The following ZNF701 variants were observed in gnomAD, a reference collection of about 807,000 sequenced individuals.
ZNF701 encodes the protein zinc finger protein 701.
Under a neutral mutation model 7.1 loss-of-function variants are expected in ZNF701, and 6 were observed. The observed-to-expected ratio is 0.84, with a 90% confidence interval of 0.46 to 1.66. ZNF701 has a LOEUF of 1.66. Among genes scored for constraint, ZNF701 ranks in the 40% most tolerant of loss-of-function variants. ZNF701 has a pLI of 0.01. For missense variants in ZNF701, 541 were observed against 559.2 expected (o/e 0.97, Z 0.33); for synonymous variants, 166 against 188.2 (o/e 0.88, Z 0.97).
At chr19:52,576,659 G>A (rs538896659) in intron 3 of ZNF701, among the ~76,000 whole-genome samples, 20 of 151,994 alleles carry the variant, frequency 1.3e-4, no homozygotes, top group African/African-American at 4.1e-4. Context: ...CATATTACAT[G>A]TTACAGTGCT....
At chr19:52,573,939 A>G (rs577140230) in intron 1 of ZNF701, 138 bp from the exon 2 acceptor site, 4 of 923,376 alleles carry the variant, frequency 4.3e-6, no homozygotes, top group East Asian at 5.5e-5. Context: ...TTCTTATAGA[A>G]ATTTATTATC....
chr19:52,597,410 T>C, the ZNF701 span: 27 of 522,756 alleles, frequency 5.2e-5, no homozygotes, highest in African/African-American at 1.5e-4. Context: ...AAATTCATTT[T>C]TGAGATAACT....
the ZNF701 span, among the ~76,000 whole-genome samples, chr19:52,594,846 C>A: frequency 6.6e-6 from 1 of 152,202 alleles, no homozygotes; most frequent in African/African-American, 2.4e-5. Context: ...ACAGAAGCAT[C>A]TTTCACTGGC....
At chr19:52,592,693 A>G in the ZNF701 span, among the ~76,000 whole-genome samples, 1 of 152,212 alleles carries the variant, frequency 6.6e-6, no homozygotes, top group South Asian at 2.1e-4. Flanking sequence ...GGGCTCAAGC[A>G]ATTCACATAC....
rs1228481307 is a variant in ZNF701 at position 52,583,079 on chromosome 19, C to T, written c.1020C>T (p.His340=). 1 of 1,613,512 alleles carries T rather than the reference C, an allele frequency of 6.2e-7. No homozygotes were observed. The highest frequency in any genetic ancestry group is 8.5e-7 in the Non-Finnish European group (1 of 1,179,864). ...ECDKVFSRKS[H]LERHRRIHTG... ...ACAAAGTTTTCAGTCGCAAATCACA[C>T]CTTGAAAGACATAGGAGAATTCACA... Residue 340 remains histidine (H), a synonymous_variant, in exon 4 of 4, where the codon CAC becomes CAT. Coordinates refer to ENST00000391785, the MANE Select transcript of ZNF701 (RefSeq NM_018260.3).
rs764816859 is a variant in ZNF701 at position 52,583,096 on chromosome 19, G to C, written c.1037G>C (p.Arg346Thr). Residue 346 changes from arginine to threonine, a missense_variant, in exon 4 of 4, where the codon AGA (arginine) becomes ACA (threonine). By Grantham distance (71) the Arg-to-Thr change is moderately conservative. Transcript: ENST00000391785. ...SRKSHLERHR[R>T]IHTGEKPYKC... ...AAATCACACCTTGAAAGACATAGGA[G>C]AATTCACACTGGAGAGAAACCATAC... is the stretch of plus-strand genomic sequence containing the variant. The C allele has an allele frequency of 6.2e-7, 1 of 1,613,786 alleles. No homozygotes were observed. The highest frequency in any genetic ancestry group is 8.5e-7 in the Non-Finnish European group (1 of 1,179,856).
At chr19:52,572,487 C>T (rs915651809) in intron 1 of ZNF701, 2 of 1,004,778 alleles carry the variant, frequency 2.0e-6, no homozygotes, top group South Asian at 1.5e-5. Context: ...GTTTCTTTAT[C>T]CCAGGTATGT....
At chr19:52,572,955 C>G (rs903225116) in intron 1 of ZNF701, 1 of 288,164 alleles carries the variant, frequency 3.5e-6, no homozygotes, top group Non-Finnish European at 6.7e-6. Context: ...CCTTCAGGTC[C>G]TGGCTCAGAA....
At position 52,578,410 on chromosome 19, in the gene ZNF701, C is replaced by G. The variant is rs1024364294; in HGVS notation, c.142+2389C>G. 7.2e-5 allele frequency among the ~76,000 whole-genome samples: 11 copies of G among 152,166 alleles called. No homozygotes were observed. In the East Asian group the frequency reaches 1.2e-3, roughly 16 times the overall value. On this transcript the variant is annotated intron_variant, in intron 3 of 3. Coordinates refer to ENST00000391785, the MANE Select transcript of ZNF701 (RefSeq NM_018260.3). Reference sequence around the variant, plus strand: ...ATCAATCACTTAGAAGATTCACCCTCCTTACCCTGCCCCCTTGTCTTGTAT... The same window carrying G: ...ATCAATCACTTAGAAGATTCACCCTGCTTACCCTGCCCCCTTGTCTTGTAT...
downstream of ZNF701, among the ~76,000 whole-genome samples, chr19:52,589,755 T>C (rs1349293590): frequency 6.6e-6 from 1 of 152,188 alleles, no homozygotes; most frequent in Non-Finnish European, 1.5e-5. Context: ...GGCTTTTCTA[T>C]TCCTTTCTTC....
At chr19:52,575,021 G>A (rs1461510808) in intron 2 of ZNF701, among the ~76,000 whole-genome samples, 1 of 152,076 alleles carries the variant, frequency 6.6e-6, no homozygotes, top group Non-Finnish European at 1.5e-5. Flanking sequence ...CCAGGCTGTA[G>A]TGCAGTGGCA....
the ZNF701 span, among the ~76,000 whole-genome samples, chr19:52,593,782 C>T: frequency 2.7e-5 from 3 of 112,006 alleles, 1 homozygote; most frequent in Admixed American, 2.8e-4. Flanking sequence ...AGAGGTGCTC[C>T]CCACATCTCA....
intron 1 of ZNF701, chr19:52,573,281 C>T (rs2059912037): frequency 6.5e-6 from 1 of 153,108 alleles, no homozygotes; most frequent in African/African-American, 2.4e-5. Flanking sequence ...ACTCTGTTGC[C>T]CTGGCTGGAG....
At chr19:52,587,369 A>G (rs1437684289), downstream of ZNF701, among the ~76,000 whole-genome samples, 2 of 152,078 alleles carry the variant, frequency 1.3e-5, no homozygotes, top group Non-Finnish European at 2.9e-5. Context: ...CTCCAGCCAT[A>G]CAGGCCTCTT....
chr19:52,572,365 G>T (rs953451264), intron 1 of ZNF701: 4 of 1,288,758 alleles, frequency 3.1e-6, no homozygotes, highest in Non-Finnish European at 4.0e-6. Context: ...TCCCTGTTTT[G>T]AAGGTAACTA....
Position 52,582,761 on chromosome 19 carries a change from G to C in ZNF701, c.702G>C (p.Gln234His), listed in dbSNP as rs371833131. ...GTAGCTCACTCTTAAAAAAACATCA[G>C]ATAATCCATTTAGGAGACAAACAGT... ...FNGSSLLKKH[Q>H]IIHLGDKQYK... Residue 234 changes from glutamine to histidine, a missense_variant, in exon 4 of 4, where the codon CAG becomes CAC. Physicochemically the swap from Gln to His is conservative, Grantham distance 24. Coordinates refer to ENST00000391785, the MANE Select transcript of ZNF701 (RefSeq NM_018260.3). 6.2e-6 allele frequency: 10 copies of C among 1,614,044 alleles called. No individual in the cohort carries two copies. In the African/African-American group the frequency reaches 1.3e-4, roughly 22 times the overall value.
At chr19:52,571,645 C>T (rs912543515) in intron 1 of ZNF701, among the ~76,000 whole-genome samples, 2 of 152,064 alleles carry the variant, frequency 1.3e-5, no homozygotes, top group African/African-American at 4.8e-5. Context: ...CAGGCGTGAG[C>T]CACCGCACCT....
chr19:52,577,873 C>G (rs1227488313), intron 3 of ZNF701, among the ~76,000 whole-genome samples: 2 of 152,138 alleles, frequency 1.3e-5, no homozygotes, highest in Non-Finnish European at 2.9e-5. Flanking sequence ...TGTCTACTTT[C>G]ATGCTCCTCC....
At chr19:52,592,184 A>G in the ZNF701 span, 29 of 1,563,828 alleles carry the variant, frequency 1.9e-5, no homozygotes, top group Non-Finnish European at 2.1e-5. Context: ...AGGGCTTTAT[A>G]CAGGGAAGTG....
Sources: allele counts gnomAD v4.1 joint callset (sites outside exome capture counted in the v4.1 genomes callset), GRCh38; gene constraint gnomAD v4.1.1; transcripts MANE v1.5; gene names NCBI Gene and HGNC (gene_info 2026-07-23, HGNC 2026-07-21).